The following TYR variants were observed in gnomAD, a reference collection of about 807,000 sequenced individuals.
The protein encoded by TYR is tyrosinase.
Under a neutral mutation model 51.5 loss-of-function variants are expected in TYR, and 58 were observed. That is an observed-to-expected ratio of 1.13 (90% CI 0.91 to 1.40). The LOEUF (loss-of-function observed/expected upper bound fraction) is 1.40, where lower values mean the gene tolerates loss of function less well. TYR is among the 40% of genes most tolerant of loss of function. TYR has a pLI of 0.00. For synonymous variants in TYR, 263 were observed against 235.2 expected, an observed-to-expected ratio of 1.12 and a Z score of -1.08; for missense variants, 732 against 647.4, an observed-to-expected ratio of 1.13 and a Z score of -1.42.
chr11:89,214,607 A>G (rs992800680), intron 2 of TYR, among the ~76,000 whole-genome samples: 1 of 152,228 alleles, frequency 6.6e-6, no homozygotes, highest in African/African-American at 2.4e-5. Flanking sequence ...ACTATTTACA[A>G]TAGCAAAGAC....
intron 3 of TYR, among the ~76,000 whole-genome samples, chr11:89,266,219 G>C (rs372707350): frequency 1.3e-5 from 2 of 151,990 alleles, no homozygotes; most frequent in South Asian, 4.2e-4. Context: ...AATGATATTA[G>C]TGTTATTCTT....
chr11:89,275,662 T>C (rs535218967), intron 3 of TYR, among the ~76,000 whole-genome samples: 39 of 151,812 alleles, frequency 2.6e-4, no homozygotes, highest in Non-Finnish European at 5.5e-4. Context: ...TAGAGTAGGC[T>C]CAGATTCTCT....
rs774015846 is a variant in TYR at position 89,191,203 on chromosome 11, T to C, written c.821T>C (p.Ile274Thr). The stretch of plus-strand genomic sequence containing the variant: ...TTAACATGAGGGTGTTTTGTACAGA[T>C]TGTCTGTAGCCGATTGGAGGAGTAC... ...SPASFFSSWQ[I>T]VCSRLEEYNS... is the part of the protein sequence containing the mutation. Residue 274 changes from isoleucine to threonine, a missense_variant and splice_region_variant, in exon 2 of 5, where the codon ATT becomes ACT. Physicochemically the swap from Ile to Thr is moderately conservative, Grantham distance 89. Coordinates refer to ENST00000263321, the MANE Select transcript of TYR (RefSeq NM_000372.5). 8.7e-6 allele frequency: 14 copies of C among 1,613,270 alleles called. No homozygotes were observed. Among genetic ancestry groups the C allele is most frequent in the East Asian group, 2.2e-5 (1 of 44,874 alleles).
At position 89,177,913 on chromosome 11, in the gene TYR, A is replaced by G. The variant is rs886048744; in HGVS notation, c.-41A>G. On this transcript the variant is annotated 5_prime_UTR_variant, in exon 1 of 5. Transcript: ENST00000263321. ...CTGGAAAGAGAAATCTGTGACTCCAATTAGCCAGTTCCTGCAGACCTTGTG... is the reference window on the plus strand; with the variant it reads ...CTGGAAAGAGAAATCTGTGACTCCAGTTAGCCAGTTCCTGCAGACCTTGTG... 34 of 1,602,332 alleles carry G rather than the reference A, an allele frequency of 2.1e-5. No homozygotes were observed. Among genetic ancestry groups the G allele is most frequent in the Non-Finnish European group, 2.6e-5 (31 of 1,170,834 alleles).
chr11:89,210,628 T>A (rs145040874), intron 2 of TYR, among the ~76,000 whole-genome samples: 1 of 152,070 alleles, frequency 6.6e-6, no homozygotes. Flanking sequence ...ACCATAAAGA[T>A]ACTCCTCGAG....
chr11:89,228,025 C>A, intron 3 of TYR, 55 bp downstream of exon 3: 4 of 1,585,852 alleles, frequency 2.5e-6, no homozygotes, highest in Non-Finnish European at 2.6e-6. Context: ...ATAGAGGGTG[C>A]CTATCAAATG....
chr11:89,220,504 T>C (rs1055577238), intron 2 of TYR, among the ~76,000 whole-genome samples: 1 of 152,174 alleles, frequency 6.6e-6, no homozygotes, highest in South Asian at 2.1e-4. Flanking sequence ...CCAAACTATA[T>C]CATTACTGAA....
intron 3 of TYR, among the ~76,000 whole-genome samples, chr11:89,239,164 T>C (rs1944159768): frequency 6.6e-6 from 1 of 152,160 alleles, no homozygotes; most frequent in South Asian, 2.1e-4. Flanking sequence ...TTGTATTAGT[T>C]CTTTAAATGT....
chr11:89,197,458 A>G (rs1271526067), intron 2 of TYR, among the ~76,000 whole-genome samples: 1 of 152,190 alleles, frequency 6.6e-6, no homozygotes, highest in African/African-American at 2.4e-5. Flanking sequence ...TAAAAACCCA[A>G]TGTTTAAAAA....
intron 3 of TYR, among the ~76,000 whole-genome samples, chr11:89,256,075 G>A (rs1426531044): frequency 6.6e-6 from 1 of 151,628 alleles, no homozygotes; most frequent in Non-Finnish European, 1.5e-5. Context: ...GAATCAGGGT[G>A]AAATATGAGT....
chr11:89,265,140 A>T (rs1944510818), intron 3 of TYR, among the ~76,000 whole-genome samples: 1 of 152,058 alleles, frequency 6.6e-6, no homozygotes, highest in African/African-American at 2.4e-5. Flanking sequence ...ACAACAAAAA[A>T]TGATAAATTG....
rs373113426 is a variant in TYR, at chr11:89,203,232, A to G, written c.1036+11814A>G. ...TACGGATAGGGAACCTGATAGTCAC[A>G]TGGTTGATAACAACCATAGTTAAGT... On this transcript the variant is annotated intron_variant, in intron 2 of 4. Coordinates refer to ENST00000263321, the MANE Select transcript of TYR (RefSeq NM_000372.5). 3.7e-4 allele frequency among the ~76,000 whole-genome samples: 57 copies of G among 152,338 alleles called. No homozygotes were observed. The East Asian group carries it at 5.2e-3, about 14-fold the overall frequency.
At chr11:89,236,664 G>A (rs560518553) in intron 3 of TYR, among the ~76,000 whole-genome samples, 4 of 152,084 alleles carry the variant, frequency 2.6e-5, no homozygotes, top group Non-Finnish European at 4.4e-5. Flanking sequence ...TCATTTTTCC[G>A]ATCAGACAGG....
At chr11:89,189,149 T>C (rs921888644) in intron 1 of TYR, among the ~76,000 whole-genome samples, 2 of 152,104 alleles carry the variant, frequency 1.3e-5, no homozygotes, top group Admixed American at 6.6e-5. Context: ...AAAGATGAAG[T>C]TGGAAAACTT....
At chr11:89,260,478 A>T (rs559676895) in intron 3 of TYR, among the ~76,000 whole-genome samples, 1 of 152,166 alleles carries the variant, frequency 6.6e-6, no homozygotes, top group African/African-American at 2.4e-5. Flanking sequence ...TCAAATATGA[A>T]AGAGAAATAA....
intron 3 of TYR, among the ~76,000 whole-genome samples, chr11:89,249,174 C>G (rs996501775): frequency 6.6e-6 from 1 of 151,906 alleles, no homozygotes. Context: ...AAGAGAGAAC[C>G]AGGTTAGATA....
At chr11:89,266,767 A>G (rs113488838) in intron 3 of TYR, among the ~76,000 whole-genome samples, 7 of 151,770 alleles carry the variant, frequency 4.6e-5, no homozygotes, top group African/African-American at 1.7e-4. Context: ...AATTTTTCTC[A>G]TTTTCTGAAG....
At chr11:89,189,457 A>G (rs1050452945) in intron 1 of TYR, among the ~76,000 whole-genome samples, 3 of 152,082 alleles carry the variant, frequency 2.0e-5, no homozygotes, top group African/African-American at 7.2e-5. Flanking sequence ...TCAAAAAAAA[A>G]AGGGACAATA....
intron 2 of TYR, among the ~76,000 whole-genome samples, chr11:89,216,666 A>AT (rs1943836897): frequency 2.0e-5 from 3 of 149,896 alleles, no homozygotes; most frequent in Non-Finnish European, 4.4e-5. Context: ...AAAAAAAAAA[A>AT]AAATAGGTAA....
Sources: gnomAD v4.1 joint callset for allele counts (sites outside exome capture counted in the v4.1 genomes callset) on GRCh38, gnomAD v4.1.1 for gene constraint, MANE v1.5 for transcripts, NCBI Gene and HGNC (gene_info 2026-07-23, HGNC 2026-07-21) for gene names.